DPP6: variants seen among roughly 807,000 people sequenced by gnomAD.
The protein encoded by DPP6 is A-type potassium channel modulatory protein DPP6.
A neutral mutation model predicts 122.6 loss-of-function variants in DPP6; 69 were observed. The ratio of observed to expected loss-of-function variants is 0.56; its 90% CI spans 0.46 to 0.69. The LOEUF (loss-of-function observed/expected upper bound fraction) is 0.69, where lower values mean the gene tolerates loss of function less well. Ranked by LOEUF, DPP6 falls within the 30% of genes least tolerant of loss-of-function variation. The pLI, the probability that DPP6 is intolerant of heterozygous loss-of-function variation, is 0.00. For missense variants in DPP6, 928 were observed against 1,116.9 expected, an observed-to-expected ratio of 0.83 and a Z score of 2.41; for synonymous variants, 418 against 433.1, an observed-to-expected ratio of 0.97 and a Z score of 0.43.
At chr7:154,759,785 T>C (rs116759465) in intron 8 of DPP6, among the ~76,000 whole-genome samples, 3,327 of 152,318 alleles carry the variant, frequency 0.022, 110 homozygotes, top group African/African-American at 0.074. Flanking sequence ...TCGCTGCCTG[T>C]GCACTAGATG....
At chr7:154,245,721 A>C (rs965996567) in intron 1 of DPP6, among the ~76,000 whole-genome samples, 1 of 152,002 alleles carries the variant, frequency 6.6e-6, no homozygotes, top group Non-Finnish European at 1.5e-5. Flanking sequence ...GAAAAGAGAG[A>C]TATCTGATAA....
upstream of DPP6, among the ~76,000 whole-genome samples, chr7:153,886,914 C>G (rs550028839): frequency 1.3e-5 from 2 of 152,264 alleles, no homozygotes; most frequent in South Asian, 4.1e-4. Context: ...GCGGCTCCAT[C>G]CGCGGCAATC....
In DPP6 at chr7:154,174,267, A is replaced by G. The variant is rs569630616; in HGVS notation, c.243+121204A>G. On this transcript the variant is annotated intron_variant, in intron 1 of 25. Coordinates refer to ENST00000377770, the MANE Select transcript of DPP6 (RefSeq NM_130797.4). ...GGAAAACTGAAATAATAAAAAGAAC[A>G]ACCTTACGTGGTTGGGGAGAAGTAG... 3.3e-5 allele frequency among the ~76,000 whole-genome samples: 5 copies of G among 152,374 alleles called. No homozygotes were observed. In the South Asian group the frequency reaches 1.0e-3, roughly 32 times the overall value.
chr7:154,155,536 G>T (rs1283026628), intron 1 of DPP6, among the ~76,000 whole-genome samples: 1 of 152,202 alleles, frequency 6.6e-6, no homozygotes, highest in African/African-American at 2.4e-5. Context: ...GTAACTGTGT[G>T]TCCAGAGATA....
intron 5 of DPP6, among the ~76,000 whole-genome samples, chr7:154,567,864 T>C (rs1374522024): frequency 1.3e-5 from 2 of 152,228 alleles, no homozygotes; most frequent in Admixed American, 6.5e-5. Flanking sequence ...TTGGTTTGTA[T>C]GAAGATGCAA....
At chr7:153,884,894 C>G (rs1352824975), upstream of DPP6, among the ~76,000 whole-genome samples, 4 of 150,964 alleles carry the variant, frequency 2.6e-5, no homozygotes, top group African/African-American at 9.8e-5. Context: ...GCAGGAGAAT[C>G]ACTTGAACCT....
chr7:154,394,219 G>A (rs541111919), intron 1 of DPP6, among the ~76,000 whole-genome samples: 30 of 152,206 alleles, frequency 2.0e-4, no homozygotes, highest in Middle Eastern at 3.4e-3. Context: ...GTGCACAAGG[G>A]TTCAGTTTCT....
In DPP6 at chr7:154,286,031, A is replaced by G. The variant is rs115131977; in HGVS notation, c.244-160183A>G. ...AATATACCTCTAAGAAAATATCGGT[A>G]ATTTCTCAGTATTTTAAAAACATAG... On this transcript the variant is annotated intron_variant, in intron 1 of 25. Coordinates refer to ENST00000377770, the MANE Select transcript of DPP6 (RefSeq NM_130797.4). Among the ~76,000 whole-genome samples the G allele has an allele frequency of 9.3e-3, 1,414 of 152,306 alleles. 30 individuals are homozygous for G. Among genetic ancestry groups the G allele is most frequent in the African/African-American group, 0.032 (1,346 of 41,572 alleles).
chr7:153,890,118 T>TGA (rs1799122921), intron 1 of DPP6, among the ~76,000 whole-genome samples: 2 of 152,228 alleles, frequency 1.3e-5, no homozygotes, highest in Non-Finnish European at 2.9e-5. Flanking sequence ...AATGATTTAC[T>TGA]CCTATTACTG....
intron 1 of DPP6, among the ~76,000 whole-genome samples, chr7:154,260,797 G>A (rs981737827): frequency 4.0e-5 from 6 of 150,264 alleles, no homozygotes; most frequent in Non-Finnish European, 7.4e-5. Context: ...ATAAACATGT[G>A]TGTGCAGGTA....
Position 154,495,574 on chromosome 7 carries a change from G to A in DPP6, c.457+20537G>A, listed in dbSNP as rs541168647. ...CCGGCTAATTTTTGTATTTTTAGTA[G>A]ACACTGGATTTCCCCATGTTGGCCA... On this transcript the variant is annotated intron_variant, in intron 3 of 25. Coordinates refer to ENST00000377770, the MANE Select transcript of DPP6 (RefSeq NM_130797.4). 2.7e-4 allele frequency among the ~76,000 whole-genome samples: 41 copies of A among 152,150 alleles called. 1 individual carries two copies. In the South Asian group the frequency reaches 8.1e-3, roughly 30 times the overall value.
intron 18 of DPP6, among the ~76,000 whole-genome samples, chr7:154,868,772 G>A (rs1188087274): frequency 2.6e-5 from 4 of 152,160 alleles, no homozygotes; most frequent in African/African-American, 7.2e-5. Flanking sequence ...GGCTGGCCCC[G>A]TGTCCTCACT....
At chr7:154,719,845 G>A (rs952294577) in intron 7 of DPP6, among the ~76,000 whole-genome samples, 9 of 152,228 alleles carry the variant, frequency 5.9e-5, no homozygotes, top group African/African-American at 1.9e-4. Flanking sequence ...TCTGAAAAGA[G>A]CTCACTTGTG....
intron 3 of DPP6, among the ~76,000 whole-genome samples, chr7:154,529,758 G>A (rs997137989): frequency 1.3e-5 from 2 of 152,160 alleles, no homozygotes; most frequent in African/African-American, 4.8e-5. Context: ...TAAAAATTCT[G>A]AAATTAAAAA....
chr7:154,771,665 GGAA>G (rs1458014188), intron 9 of DPP6, among the ~76,000 whole-genome samples: 1 of 152,222 alleles, frequency 6.6e-6, no homozygotes, highest in African/African-American at 2.4e-5. Flanking sequence ...AGCCCCAGAA[GGAA>G]GAAGAATGAG....
the DPP6 span, among the ~76,000 whole-genome samples, chr7:153,798,501 T>C: frequency 6.6e-6 from 1 of 152,142 alleles, no homozygotes; most frequent in Non-Finnish European, 1.5e-5. Flanking sequence ...ATGGGGCCCC[T>C]TCCACTGAGG....
At chr7:154,033,525 G>T (rs563076099) in intron 1 of DPP6, among the ~76,000 whole-genome samples, 1 of 152,346 alleles carries the variant, frequency 6.6e-6, no homozygotes, top group East Asian at 1.9e-4. Flanking sequence ...CCTGGTCAAG[G>T]AATGTTCATT....
intron 7 of DPP6, among the ~76,000 whole-genome samples, chr7:154,693,767 C>G (rs1331952346): frequency 6.6e-6 from 1 of 152,210 alleles, no homozygotes; most frequent in Non-Finnish European, 1.5e-5. Context: ...AACCCTGTAG[C>G]TCCAGGCAGA....
intron 1 of DPP6, among the ~76,000 whole-genome samples, chr7:154,391,650 C>T (rs1814629128): frequency 6.6e-6 from 1 of 152,150 alleles, no homozygotes; most frequent in African/African-American, 2.4e-5. Context: ...CTGATGAAGC[C>T]CCTGCTTCTA....
Sources: allele counts gnomAD v4.1 joint callset (sites outside exome capture counted in the v4.1 genomes callset), GRCh38; gene constraint gnomAD v4.1.1; transcripts MANE v1.5; gene names NCBI Gene and HGNC (gene_info 2026-07-23, HGNC 2026-07-21).